The following PTPRG variants were observed in gnomAD, a reference collection of about 807,000 sequenced individuals.
The protein encoded by PTPRG is protein tyrosine phosphatase receptor type G.
Under a neutral mutation model 165.3 loss-of-function variants are expected in PTPRG, and 102 were observed. The ratio of observed to expected loss-of-function variants is 0.62; its 90% CI spans 0.53 to 0.73. PTPRG has a LOEUF of 0.73. Among genes scored for constraint, PTPRG ranks in the 30% least tolerant of loss-of-function variants. PTPRG has a pLI of 0.00. For missense variants in PTPRG, 1,866 were observed against 1,861.4 expected (o/e 1.00, Z -0.05); for synonymous variants, 675 against 669.5 (o/e 1.01, Z -0.13).
intron 2 of PTPRG, among the ~76,000 whole-genome samples, chr3:61,841,371 T>C (rs1465187777): frequency 3.3e-5 from 5 of 152,206 alleles, no homozygotes; most frequent in Admixed American, 6.5e-5. Context: ...TGTTGCTCTC[T>C]TTACAGTGAT....
At chr3:62,183,566 TAA>T (rs368802810) in intron 8 of PTPRG, among the ~76,000 whole-genome samples, 55 of 128,680 alleles carry the variant, frequency 4.3e-4, no homozygotes, top group Admixed American at 7.1e-4. Context: ...TCGTCTCAAT[TAA>T]AAAAAAAAAA....
At chr3:61,654,821 G>A (rs541599941) in intron 1 of PTPRG, among the ~76,000 whole-genome samples, 16 of 128,802 alleles carry the variant, frequency 1.2e-4, no homozygotes, top group African/African-American at 3.6e-4. Context: ...TCACTCTGTC[G>A]CCCAGGCTGG....
intron 2 of PTPRG, among the ~76,000 whole-genome samples, chr3:61,918,544 T>C (rs1340767105): frequency 6.6e-6 from 1 of 152,140 alleles, no homozygotes; most frequent in Non-Finnish European, 1.5e-5. Flanking sequence ...GTACAAATAG[T>C]ACTGAGGATA....
intron 5 of PTPRG, among the ~76,000 whole-genome samples, chr3:62,088,976 C>T (rs931887681): frequency 9.9e-5 from 15 of 152,222 alleles, no homozygotes; most frequent in African/African-American, 3.6e-4. Flanking sequence ...TAACTGTATG[C>T]ATACAGATGC....
chr3:61,868,193 T>C (rs1013794887), intron 2 of PTPRG, among the ~76,000 whole-genome samples: 1 of 152,196 alleles, frequency 6.6e-6, no homozygotes, highest in African/African-American at 2.4e-5. Context: ...TAGTGATCTC[T>C]TGTCATCCTC....
intron 4 of PTPRG, among the ~76,000 whole-genome samples, chr3:62,049,876 T>A (rs1328550423): frequency 6.6e-6 from 1 of 152,216 alleles, no homozygotes; most frequent in East Asian, 1.9e-4. Flanking sequence ...GACTTTCTCA[T>A]ACTTCGCTGT....
intron 1 of PTPRG, among the ~76,000 whole-genome samples, chr3:61,629,931 G>C (rs1390740513): frequency 2.0e-5 from 3 of 152,194 alleles, no homozygotes; most frequent in Non-Finnish European, 2.9e-5. Context: ...CAGAAATGAA[G>C]TCCGATATTA....
rs146902944 is a variant in PTPRG, at chr3:62,278,322, G to C, written c.3765+643G>C. On this transcript the variant is annotated intron_variant, in intron 26 of 29. Transcript: ENST00000474889. ...CCATAGGCAAGTCAGGTCTACTGCAGGGATAGGCTATTTTGTTCCCACTTA... is the reference window on the plus strand; with the variant it reads ...CCATAGGCAAGTCAGGTCTACTGCACGGATAGGCTATTTTGTTCCCACTTA... 7.8e-3 allele frequency among the ~76,000 whole-genome samples: 1,187 copies of C among 152,096 alleles called. 10 individuals carry two copies. Among genetic ancestry groups the C allele is most frequent in the Non-Finnish European group, 0.012 (799 of 67,972 alleles).
At chr3:61,999,367 G>C (rs1575869414) in intron 3 of PTPRG, among the ~76,000 whole-genome samples, 1 of 152,068 alleles carries the variant, frequency 6.6e-6, no homozygotes, top group Admixed American at 6.5e-5. Flanking sequence ...GTTTTGAAGT[G>C]CACTAATCCC....
Position 61,672,555 on chromosome 3 carries a change from C to CA in PTPRG, c.86-76316dup, listed in dbSNP as rs1159886742. On this transcript the variant is annotated intron_variant, in intron 1 of 29. Coordinates refer to ENST00000474889, the MANE Select transcript of PTPRG (RefSeq NM_002841.4). ...CAACACAGCGAAACCCCGTCTCCAC[C>CA]AAAAAAATAAGAAAACCAGTCAGGC... is the stretch of plus-strand genomic sequence containing the variant. Among the ~76,000 whole-genome samples the CA allele has an allele frequency of 3.7e-5, 5 of 135,408 alleles. No homozygotes were observed. The South Asian group carries it at 1.1e-3, about 28-fold the overall frequency. The allele number at this position is 135,408 out of a possible 152,430, so 88.8% of individuals were successfully genotyped here. A position where few individuals can be genotyped will look rare whatever the true frequency, so the allele number is the denominator to read the frequency against.
intron 2 of PTPRG, among the ~76,000 whole-genome samples, chr3:61,896,983 T>C (rs1386291478): frequency 6.6e-6 from 1 of 152,062 alleles, no homozygotes; most frequent in East Asian, 1.9e-4. Context: ...TAGTCCTTTG[T>C]TGAATTTGTG....
intron 1 of PTPRG, among the ~76,000 whole-genome samples, chr3:61,605,587 TAGAA>T (rs1215443532): frequency 2.6e-5 from 4 of 151,586 alleles, no homozygotes; most frequent in African/African-American, 7.3e-5. Flanking sequence ...TTTTTATTTT[TAGAA>T]AGAGTCTTGC....
chr3:61,893,174 T>C (rs1042992587), intron 2 of PTPRG, among the ~76,000 whole-genome samples: 12 of 152,140 alleles, frequency 7.9e-5, no homozygotes, highest in African/African-American at 2.9e-4. Flanking sequence ...GTACAGAAAA[T>C]TTAAGAATTT....
chr3:61,900,619 A>T (rs566074451), intron 2 of PTPRG, among the ~76,000 whole-genome samples: 1 of 152,314 alleles, frequency 6.6e-6, no homozygotes, highest in African/African-American at 2.4e-5. Context: ...GCTAAGTAAG[A>T]CAACTGGAGG....
chr3:62,013,669 A>G (rs2041478822), intron 4 of PTPRG, among the ~76,000 whole-genome samples: 3 of 152,216 alleles, frequency 2.0e-5, no homozygotes, highest in Admixed American at 2.0e-4. Context: ...GTACCTCATA[A>G]TGTTGTATAC....
chr3:62,006,601 TG>T (rs2041303735), intron 4 of PTPRG, among the ~76,000 whole-genome samples: 1 of 152,220 alleles, frequency 6.6e-6, no homozygotes, highest in African/African-American at 2.4e-5. Context: ...GCATGCAGTA[TG>T]TATGAGGGCT....
intron 4 of PTPRG, among the ~76,000 whole-genome samples, chr3:62,042,160 G>A (rs1219961576): frequency 6.6e-6 from 1 of 152,084 alleles, no homozygotes; most frequent in Non-Finnish European, 1.5e-5. Context: ...CTAGGATTTG[G>A]GGCAAGCTCA....
intron 8 of PTPRG, among the ~76,000 whole-genome samples, chr3:62,187,130 C>A (rs1699679832): frequency 6.6e-6 from 1 of 152,236 alleles, no homozygotes; most frequent in African/African-American, 2.4e-5. Flanking sequence ...AAGGCGCCAG[C>A]CTTGTGGAGC....
chr3:62,083,720 C>T (rs9849886), intron 5 of PTPRG, among the ~76,000 whole-genome samples: 1 of 152,232 alleles, frequency 6.6e-6, no homozygotes, highest in East Asian at 1.9e-4. Context: ...AATCTTTTAT[C>T]GTCACCCTCA....
Sources: allele counts gnomAD v4.1 joint callset (sites outside exome capture counted in the v4.1 genomes callset), GRCh38; gene constraint gnomAD v4.1.1; transcripts MANE v1.5; gene names NCBI Gene and HGNC (gene_info 2026-07-23, HGNC 2026-07-21).